PTPRN2: variants seen among roughly 807,000 people sequenced by gnomAD.
PTPRN2 encodes the protein protein tyrosine phosphatase receptor type N2.
In PTPRN2, 74 loss-of-function variants were observed where a neutral mutation model predicts 118.8. The ratio of observed to expected loss-of-function variants is 0.62; its 90% CI spans 0.52 to 0.76. PTPRN2 has a LOEUF of 0.76. Ranked by LOEUF, PTPRN2 falls within the 30% of genes least tolerant of loss-of-function variation. PTPRN2 has a pLI of 0.00. For missense variants in PTPRN2, 1,481 were observed against 1,394.4 expected, an observed-to-expected ratio of 1.06 and a Z score of -0.99; for synonymous variants, 641 against 608.0, an observed-to-expected ratio of 1.05 and a Z score of -0.80.
intron 1 of PTPRN2, chr7:158,541,508 C>A: frequency 7.4e-7 from 1 of 1,352,156 alleles, no homozygotes; most frequent in Non-Finnish European, 9.8e-7. Context: ...AAACAAACAT[C>A]ACTTCCACCC....
rs746757381 is a variant in PTPRN2 at position 157,545,332 on chromosome 7, GT to G, written c.2976+3613del. 2.2e-3 allele frequency among the ~76,000 whole-genome samples: 336 copies of G among 150,750 alleles called. 3 individuals carry two copies. Among genetic ancestry groups the G allele is most frequent in the Middle Eastern group, 3.5e-3 (1 of 288 alleles). On this transcript the variant is annotated intron_variant, in intron 22 of 22. Coordinates refer to ENST00000389418, the MANE Select transcript of PTPRN2 (RefSeq NM_002847.5). ...CACATGCGTGGGTGTGTAGGTGTGT[GT>G]GGGGGGTGTGCCTGGGTGTGTGCAT...
intron 16 of PTPRN2, among the ~76,000 whole-genome samples, chr7:157,600,725 A>T (rs984117135): frequency 1.6e-4 from 24 of 152,342 alleles, no homozygotes; most frequent in African/African-American, 5.3e-4. Context: ...TTGACTTTTG[A>T]ACTTGAAATA....
At chr7:158,259,723 G>C (rs114976692) in intron 3 of PTPRN2, among the ~76,000 whole-genome samples, 52 of 148,662 alleles carry the variant, frequency 3.5e-4, no homozygotes, top group African/African-American at 1.2e-3. Context: ...ACAGGTATGT[G>C]TGTTTGTGTG....
chr7:158,355,666 A>G (rs1808333555), intron 2 of PTPRN2, among the ~76,000 whole-genome samples: 1 of 152,132 alleles, frequency 6.6e-6, no homozygotes. Flanking sequence ...GAGTCCCCTC[A>G]TTTGCTGGAC....
chr7:158,322,685 G>A (rs1023086030), intron 2 of PTPRN2, among the ~76,000 whole-genome samples: 8 of 151,828 alleles, frequency 5.3e-5, no homozygotes, highest in Admixed American at 3.9e-4. Context: ...AGGCAGGAGA[G>A]GACACCAAGC....
At chr7:157,644,828 G>A (rs1444034216) in intron 14 of PTPRN2, among the ~76,000 whole-genome samples, 1 of 150,890 alleles carries the variant, frequency 6.6e-6, no homozygotes, top group Non-Finnish European at 1.5e-5. Context: ...AAAAACAAAA[G>A]AAAACAAAAC....
chr7:158,441,071 G>A (rs1563295723), intron 2 of PTPRN2, among the ~76,000 whole-genome samples: 3 of 140,662 alleles, frequency 2.1e-5, no homozygotes, highest in African/African-American at 5.9e-5. Flanking sequence ...GGGTGGTAGT[G>A]ATGGTGGTGC....
At chr7:158,132,570 C>T (rs540795327) in intron 9 of PTPRN2, among the ~76,000 whole-genome samples, 1 of 144,000 alleles carries the variant, frequency 6.9e-6, no homozygotes, top group African/African-American at 2.7e-5. Context: ...ATCTATCCAA[C>T]ACTCATATAG....
intron 13 of PTPRN2, among the ~76,000 whole-genome samples, chr7:157,657,940 C>T (rs145591271): frequency 0.015 from 2,126 of 138,592 alleles, 46 homozygotes; most frequent in Non-Finnish European, 0.025. Context: ...ACACCACACA[C>T]ACACACCACA....
At chr7:158,135,290 AT>A (rs754517396) in intron 8 of PTPRN2, among the ~76,000 whole-genome samples, 1 of 152,186 alleles carries the variant, frequency 6.6e-6, no homozygotes, top group South Asian at 2.1e-4. Flanking sequence ...TTCCTTTTGT[AT>A]TTTTTAAAAT....
chr7:157,684,165 G>T (rs1797048479), intron 12 of PTPRN2, among the ~76,000 whole-genome samples: 1 of 151,982 alleles, frequency 6.6e-6, no homozygotes, highest in South Asian at 2.1e-4. Flanking sequence ...GACTGGAAAA[G>T]CTGGTCATTA....
intron 14 of PTPRN2, among the ~76,000 whole-genome samples, chr7:157,650,979 C>T (rs963289957): frequency 2.0e-5 from 3 of 152,154 alleles, no homozygotes; most frequent in African/African-American, 4.8e-5. Context: ...GCAGGAGGGC[C>T]GAAGTTCAGA....
In PTPRN2 at chr7:157,987,457, G is replaced by C. The variant is rs1286067025; in HGVS notation, c.1724-88720C>G. Reference sequence around the variant, plus strand: ...GGGTGAGATGACAGGTCATTAATGGGGGCGTAGTGTCCGGTCACTAATAGG... The same window carrying C: ...GGGTGAGATGACAGGTCATTAATGGCGGCGTAGTGTCCGGTCACTAATAGG... On this transcript the variant is annotated intron_variant, in intron 11 of 22. Transcript: ENST00000389418. This position sits in a 1 kb window ranked among gnomAD's most constrained non-coding sequence, Gnocchi z 4.3. Among the ~76,000 whole-genome samples the C allele has an allele frequency of 1.3e-5, 2 of 152,054 alleles. No homozygotes were observed. Among genetic ancestry groups the C allele is most frequent in the East Asian group, 1.9e-4 (1 of 5,172 alleles).
intron 1 of PTPRN2, among the ~76,000 whole-genome samples, chr7:158,578,042 A>G (rs1828433299): frequency 6.6e-6 from 1 of 152,210 alleles, no homozygotes; most frequent in African/African-American, 2.4e-5. Context: ...AAAGGGAACA[A>G]CACCCACCCG....
At position 157,869,612 on chromosome 7, in the gene PTPRN2, G is replaced by A. The variant is rs1460697901; in HGVS notation, c.1788+29061C>T. Among the ~76,000 whole-genome samples, 1 of 152,068 alleles carries A rather than the reference G, an allele frequency of 6.6e-6. No homozygotes were observed. The highest frequency in any genetic ancestry group is 1.5e-5 in the Non-Finnish European group (1 of 68,030). On this transcript the variant is annotated intron_variant, in intron 12 of 22. Coordinates refer to ENST00000389418, the MANE Select transcript of PTPRN2 (RefSeq NM_002847.5). The surrounding 1 kb of genome is among the most constrained non-coding windows in gnomAD (Gnocchi z 4.2). ...CCCATTACTATCTAAGGAAAAATGG[G>A]TACCCTCTGGATATATTTTAAGAAT...
At chr7:158,514,099 C>T (rs1823367533) in intron 1 of PTPRN2, among the ~76,000 whole-genome samples, 1 of 152,192 alleles carries the variant, frequency 6.6e-6, no homozygotes, top group Non-Finnish European at 1.5e-5. Flanking sequence ...AAGCCTACAA[C>T]CCTCAATCAG....
At chr7:158,407,280 CCTGGGTCCTGG>C in intron 2 of PTPRN2, among the ~76,000 whole-genome samples, 2 of 101,464 alleles carry the variant, frequency 2.0e-5, no homozygotes, top group African/African-American at 8.2e-5. Flanking sequence ...GGTCCTGGGT[CCTGGGTCCTGG>C]GTCCTGCGTC....
intron 2 of PTPRN2, among the ~76,000 whole-genome samples, chr7:158,469,316 T>C (rs1001340016): frequency 1.3e-5 from 2 of 152,064 alleles, no homozygotes; most frequent in Non-Finnish European, 2.9e-5. Context: ...TGGCAGGCAC[T>C]TGTAATCCCA....
chr7:157,547,501 T>C (rs1243248079), intron 22 of PTPRN2, among the ~76,000 whole-genome samples: 13 of 151,868 alleles, frequency 8.6e-5, no homozygotes, highest in African/African-American at 3.1e-4. Flanking sequence ...CCAAAGCTCA[T>C]GAGAACTTTT....
Sources: allele counts gnomAD v4.1 joint callset (sites outside exome capture counted in the v4.1 genomes callset), GRCh38; gene constraint gnomAD v4.1.1; non-coding constraint Gnocchi (gnomAD v3.1); transcripts MANE v1.5; gene names NCBI Gene and HGNC (gene_info 2026-07-23, HGNC 2026-07-21).